Variants in M1AP observed in about 807,000 individuals in gnomAD.
M1AP encodes the protein meiosis 1 arrest protein.
Under a neutral mutation model 51.2 loss-of-function variants are expected in M1AP, and 39 were observed. The ratio of observed to expected loss-of-function variants is 0.76; its 90% CI spans 0.59 to 1.00. The LOEUF is 1.00. M1AP is among the 50% of genes least tolerant of loss of function. The probability of loss-of-function intolerance (pLI) is 0.00; values close to 1 mark genes in which losing one functional copy is unlikely to be tolerated. For synonymous variants in M1AP, 251 were observed against 249.2 expected (o/e 1.01, Z -0.07); for missense variants, 545 against 641.2 (o/e 0.85, Z 1.62).
intron 1 of M1AP, among the ~76,000 whole-genome samples, chr2:74,641,300 C>T (rs1683285180): frequency 6.6e-6 from 1 of 152,194 alleles, no homozygotes; most frequent in Non-Finnish European, 1.5e-5. Flanking sequence ...TCTTTCTCTA[C>T]TGGCTACTTA....
chr2:74,591,695 T>C (rs905013960), intron 4 of M1AP, among the ~76,000 whole-genome samples: 1 of 152,114 alleles, frequency 6.6e-6, no homozygotes, highest in African/African-American at 2.4e-5. Flanking sequence ...TAAATGTAAG[T>C]GGAGCCATGA....
chr2:74,595,483 C>T (rs1412731052), intron 4 of M1AP, among the ~76,000 whole-genome samples: 2 of 151,936 alleles, frequency 1.3e-5, no homozygotes, highest in East Asian at 1.9e-4. Context: ...TCCCGAGTAG[C>T]GGGGATTATA....
At chr2:74,622,396 G>C (rs1682105204) in intron 2 of M1AP, among the ~76,000 whole-genome samples, 2 of 152,076 alleles carry the variant, frequency 1.3e-5, no homozygotes, top group African/African-American at 4.8e-5. Context: ...CTGCCACCAT[G>C]CCTGGCTTTT....
intron 2 of M1AP, among the ~76,000 whole-genome samples, chr2:74,636,049 G>C (rs543110074): frequency 2.0e-5 from 3 of 152,058 alleles, no homozygotes; most frequent in African/African-American, 7.2e-5. Flanking sequence ...ATTGTTGAGA[G>C]AGGGACACTG....
At position 74,562,076 on chromosome 2, in the gene M1AP, T is replaced by C. The variant is rs932460277; in HGVS notation, c.1281+141A>G. 6.3e-6 allele frequency: 9 copies of C among 1,423,170 alleles called. No individual in the cohort carries two copies. In the Admixed American group the frequency reaches 1.2e-4, roughly 20 times the overall value. 88.2% of individuals were successfully genotyped at this position (1,423,170 alleles called of 1,614,324 possible). A position where few individuals can be genotyped will look rare whatever the true frequency, so the allele number is the denominator to read the frequency against. ...TTCCTTCTTCTGGCATAATTGCCTA[T>C]CCTTGCTTTCTCTTCTTACTCTCTT... is the stretch of plus-strand genomic sequence containing the variant. On this transcript the variant is annotated intron_variant, in intron 8 of 10. Coordinates refer to ENST00000421985, the MANE Select transcript of M1AP (RefSeq NM_001321739.2).
rs200875527 is a variant in M1AP, at chr2:74,560,158, G to C, written c.1415C>G (p.Pro472Arg). Residue 472 changes from proline to arginine, a missense_variant, in exon 9 of 11, where the codon CCG becomes CGG. Transcript: ENST00000421985. ...RLHPHWESRAPRKHPCKTGQL... is the reference protein window; with the variant it reads ...RLHPHWESRARRKHPCKTGQL... Reference sequence around the variant, plus strand: ...GAAGGAGGGGAGCGGTACCTTTCTCGGAGCTCGGCTCTCCCAGTGTGGGTG... The same window carrying C: ...GAAGGAGGGGAGCGGTACCTTTCTCCGAGCTCGGCTCTCCCAGTGTGGGTG... 6.2e-7 allele frequency: 1 copy of C among 1,613,720 alleles called. No individual in the cohort carries two copies. Among genetic ancestry groups the C allele is most frequent in the South Asian group, 1.1e-5 (1 of 91,050 alleles).
chr2:74,615,626 C>T (rs1049853073), intron 2 of M1AP: 4 of 159,736 alleles, frequency 2.5e-5, no homozygotes, highest in East Asian at 1.8e-4. Flanking sequence ...CTATCTAATA[C>T]GCTCTTTAGG....
chr2:74,610,439 A>G (rs1051018169), intron 3 of M1AP, among the ~76,000 whole-genome samples: 10 of 151,836 alleles, frequency 6.6e-5, no homozygotes, highest in African/African-American at 2.2e-4. Context: ...GCCCAGACCA[A>G]TGTCACAAAT....
intron 4 of M1AP, among the ~76,000 whole-genome samples, chr2:74,584,537 G>T (rs1447799516): frequency 2.0e-5 from 3 of 151,204 alleles, no homozygotes; most frequent in Admixed American, 6.6e-5. Context: ...TGAAATAACA[G>T]AATTTTTGGG....
At chr2:74,592,662 TTAAA>T (rs1356517547) in intron 4 of M1AP, among the ~76,000 whole-genome samples, 2 of 152,222 alleles carry the variant, frequency 1.3e-5, no homozygotes, top group Admixed American at 6.5e-5. Context: ...TTTCATATAG[TTAAA>T]TAAATAAATC....
intron 2 of M1AP, among the ~76,000 whole-genome samples, chr2:74,639,536 G>A (rs1307634113): frequency 6.6e-6 from 1 of 152,184 alleles, no homozygotes; most frequent in Non-Finnish European, 1.5e-5. Flanking sequence ...ACCCTAGGGG[G>A]CAGTTTCACC....
At chr2:74,603,470 CGTT>C (rs1193441820) in intron 4 of M1AP, among the ~76,000 whole-genome samples, 3 of 152,048 alleles carry the variant, frequency 2.0e-5, no homozygotes, top group Non-Finnish European at 4.4e-5. Flanking sequence ...CAAGTGATGT[CGTT>C]GTTCTAAGAA....
intron 1 of M1AP, among the ~76,000 whole-genome samples, chr2:74,645,063 T>A (rs1191005847): frequency 6.6e-6 from 1 of 152,182 alleles, no homozygotes. Context: ...GGGTCCGCAC[T>A]GCCTTTATGA....
At chr2:74,648,032 G>C (rs1683707362) in intron 1 of M1AP, 2 of 985,410 alleles carry the variant, frequency 2.0e-6, no homozygotes, top group African/African-American at 1.7e-5. Context: ...AGGAAGCTCC[G>C]GGCCCAGACT....
At chr2:74,642,744 T>C (rs1683365106) in intron 1 of M1AP, among the ~76,000 whole-genome samples, 1 of 152,262 alleles carries the variant, frequency 6.6e-6, no homozygotes, top group Non-Finnish European at 1.5e-5. Context: ...CCTTGTCTTT[T>C]GTCAAATTTT....
chr2:74,613,026 T>C (rs907913127), intron 3 of M1AP, among the ~76,000 whole-genome samples: 4 of 152,144 alleles, frequency 2.6e-5, no homozygotes, highest in Admixed American at 2.6e-4. Context: ...TATTGATACA[T>C]CCTCAAACTC....
chr2:74,569,949 C>T (rs909460864), intron 7 of M1AP, among the ~76,000 whole-genome samples: 2 of 150,696 alleles, frequency 1.3e-5, no homozygotes, highest in Non-Finnish European at 3.0e-5. Flanking sequence ...GTTCTAGGAA[C>T]AGCTTCAGGT....
In M1AP at chr2:74,557,980, C is replaced by T. The variant is rs1184638517; in HGVS notation, c.*736G>A. Reference sequence around the variant, plus strand: ...CGAACTCCTGGCCTCAAGTGATCATCCCACCTCAGCCTCTCAAAGTGTTGG... The same window carrying T: ...CGAACTCCTGGCCTCAAGTGATCATTCCACCTCAGCCTCTCAAAGTGTTGG... On this transcript the variant is annotated 3_prime_UTR_variant, in exon 11 of 11. Coordinates refer to ENST00000421985, the MANE Select transcript of M1AP (RefSeq NM_001321739.2). The T allele has an allele frequency of 1.3e-5, 2 of 151,946 alleles. No homozygotes were observed. The highest frequency in any genetic ancestry group is 2.4e-5 in the African/African-American group (1 of 41,306). 9.4% of individuals were successfully genotyped at this position (151,946 alleles called of 1,614,324 possible). A position where few individuals can be genotyped will look rare whatever the true frequency, so the allele number is the denominator to read the frequency against.
intron 4 of M1AP, among the ~76,000 whole-genome samples, chr2:74,594,452 G>A (rs932240715): frequency 1.3e-5 from 2 of 152,148 alleles, no homozygotes; most frequent in African/African-American, 4.8e-5. Flanking sequence ...CAGAGTCTTG[G>A]GCTGTGCAGA....
Sources: gnomAD v4.1 joint callset for allele counts (sites outside exome capture counted in the v4.1 genomes callset) on GRCh38, gnomAD v4.1.1 for gene constraint, MANE v1.5 for transcripts, NCBI Gene and HGNC (gene_info 2026-07-23, HGNC 2026-07-21) for gene names.